BIN1: variants seen among roughly 807,000 people sequenced by gnomAD.
BIN1 encodes myc box-dependent-interacting protein 1.
Under a neutral mutation model 82.0 loss-of-function variants are expected in BIN1, and 53 were observed. The ratio of observed to expected loss-of-function variants is 0.65; its 90% CI spans 0.52 to 0.81. The LOEUF is 0.81. Among genes scored for constraint, BIN1 ranks in the 40% least tolerant of loss-of-function variants. The pLI, the probability that BIN1 is intolerant of heterozygous loss-of-function variation, is 0.00. For synonymous variants in BIN1, 302 were observed against 328.0 expected (o/e 0.92, Z 0.86); for missense variants, 642 against 784.4 (o/e 0.82, Z 2.17).
At chr2:127,099,378 G>A (rs1056590924) in intron 1 of BIN1, among the ~76,000 whole-genome samples, 26 of 149,532 alleles carry the variant, frequency 1.7e-4, no homozygotes, top group Admixed American at 3.4e-4. Flanking sequence ...GTGTGGTAGC[G>A]GGGGCAGTGT....
intron 16 of BIN1, 65 bp downstream of exon 16, chr2:127,051,089 G>A: frequency 1.3e-6 from 2 of 1,596,842 alleles, no homozygotes; most frequent in East Asian, 2.2e-5. Context: ...GGGCCACAGG[G>A]GAGCCCCGGA....
chr2:127,081,825 C>T (rs1269742780), intron 1 of BIN1: 4 of 1,288,160 alleles, frequency 3.1e-6, no homozygotes, highest in Non-Finnish European at 4.0e-6. Flanking sequence ...ACGCATAAGG[C>T]CCTCACCTTC....
chr2:127,106,816 C>T, intron 1 of BIN1, 44 bp downstream of exon 1: 1 of 1,561,506 alleles, frequency 6.4e-7, no homozygotes, highest in South Asian at 1.2e-5. Flanking sequence ...CGGGGCTCCG[C>T]GGCGGCTGGG....
rs533512617 is a variant in BIN1 at position 127,050,618 on chromosome 2, T to A, written c.1573-96A>T. ...CGTGTGGGAGGTGCAGGTGGCAGTA[T>A]GGAGACCAGGAGTGCTCAAAAGCAG... On this transcript the variant is annotated intron_variant, in intron 17 of 18. Coordinates refer to ENST00000316724, the MANE Select transcript of BIN1 (RefSeq NM_139343.3). 2.4e-5 allele frequency: 35 copies of A among 1,442,156 alleles called. No individual in the cohort carries two copies. The East Asian group carries it at 8.0e-4, about 33-fold the overall frequency. 89.3% of individuals were successfully genotyped at this position (1,442,156 alleles called of 1,614,324 possible).
rs570394977 is a variant in BIN1 at position 127,051,096 on chromosome 2, C to T, written c.1461+58G>A. 35 of 1,603,434 alleles carry T rather than the reference C, an allele frequency of 2.2e-5. No individual in the cohort carries two copies. The Admixed American group carries it at 5.0e-4, about 23-fold the overall frequency. On this transcript the variant is annotated intron_variant, in intron 16 of 18. Coordinates refer to ENST00000316724, the MANE Select transcript of BIN1 (RefSeq NM_139343.3). ...ACCAGCAGGGGCCACAGGGGAGCCC[C>T]GGACAGGCAGGCGGGCGGCAGGGAG...
Position 127,062,431 on chromosome 2 carries a change from T to C in BIN1, c.775-234A>G, listed in dbSNP as rs796187788. ...GCCTGCTGTCTCTGGAAGCCATCTT[T>C]TCCCCTCCTACTTATAGGGATATCC... On this transcript the variant is annotated intron_variant, in intron 9 of 18. Coordinates refer to ENST00000316724, the MANE Select transcript of BIN1 (RefSeq NM_139343.3). 1.8e-4 allele frequency among the ~76,000 whole-genome samples: 28 copies of C among 152,368 alleles called. 2 individuals are homozygous for C. Among genetic ancestry groups the C allele is most frequent in the African/African-American group, 6.7e-4 (28 of 41,590 alleles).
intron 1 of BIN1, among the ~76,000 whole-genome samples, chr2:127,083,222 A>G (rs1687530497): frequency 6.6e-6 from 1 of 151,842 alleles, no homozygotes; most frequent in African/African-American, 2.4e-5. Flanking sequence ...AGTAGCTGGG[A>G]CTACAGGCCA....
rs78061772 is a variant in BIN1, at chr2:127,093,528, G to A, written c.84+13332C>T. On this transcript the variant is annotated intron_variant, in intron 1 of 18. Coordinates refer to ENST00000316724, the MANE Select transcript of BIN1 (RefSeq NM_139343.3). This position sits in a 1 kb window ranked among gnomAD's most constrained non-coding sequence, Gnocchi z 5.7. The stretch of plus-strand genomic sequence containing the variant: ...AGAGAGGCCGGAAAGAAGCCGAGCC[G>A]ACAAGCCTTGCTGGGTTCCCCCTCG... Among the ~76,000 whole-genome samples, 2 of 152,138 alleles carry A rather than the reference G, an allele frequency of 1.3e-5. No homozygotes were observed. Among genetic ancestry groups the A allele is most frequent in the African/African-American group, 4.8e-5 (2 of 41,420 alleles).
intron 1 of BIN1, among the ~76,000 whole-genome samples, chr2:127,097,343 C>T (rs1679737658): frequency 6.6e-6 from 1 of 151,530 alleles, no homozygotes; most frequent in Admixed American, 6.6e-5. Context: ...AGCGTCACCC[C>T]TCCAGGCCCA....
At chr2:127,102,825 G>A (rs967618632) in intron 1 of BIN1, among the ~76,000 whole-genome samples, 2 of 152,210 alleles carry the variant, frequency 1.3e-5, no homozygotes, top group Non-Finnish European at 2.9e-5. Flanking sequence ...AAGTAACTCG[G>A]GTCCAGGGGA....
At position 127,099,416 on chromosome 2, in the gene BIN1, A is replaced by G. The variant is rs537274170; in HGVS notation, c.84+7444T>C. 7.2e-5 allele frequency among the ~76,000 whole-genome samples: 11 copies of G among 152,256 alleles called. No individual in the cohort carries two copies. The East Asian group carries it at 2.1e-3, about 29-fold the overall frequency. ...GCAGCATGGTTCTTTCCCCCCCAGG[A>G]ACATTAAAAAACAACTAGTATGACC... On this transcript the variant is annotated intron_variant, in intron 1 of 18. Transcript: ENST00000316724.
chr2:127,068,385 C>A lies in BIN1; in HGVS notation c.520-130G>T. On this transcript the variant is annotated intron_variant, in intron 6 of 18. Coordinates refer to ENST00000316724, the MANE Select transcript of BIN1 (RefSeq NM_139343.3). This position sits in a 1 kb window ranked among gnomAD's most constrained non-coding sequence, Gnocchi z 4.9. The stretch of plus-strand genomic sequence containing the variant: ...GGGGGCCACCCCAAGCAGATATGGG[C>A]CCTTGAGGCCGAGAGAATTAGGGGG... 1 of 680,846 alleles carries A rather than the reference C, an allele frequency of 1.5e-6. No homozygotes were observed. The highest frequency in any genetic ancestry group is 1.8e-5 in the South Asian group (1 of 55,142). 42.2% of individuals were successfully genotyped at this position (680,846 alleles called of 1,614,324 possible). A position where few individuals can be genotyped will look rare whatever the true frequency, so the allele number is the denominator to read the frequency against.
At chr2:127,078,006 G>T (rs1686831476) in intron 1 of BIN1, among the ~76,000 whole-genome samples, 1 of 152,256 alleles carries the variant, frequency 6.6e-6, no homozygotes, top group South Asian at 2.1e-4. Flanking sequence ...AGGCCAGTAG[G>T]TCTGCAGACA....
intron 1 of BIN1, among the ~76,000 whole-genome samples, chr2:127,099,030 C>T (rs1192826269): frequency 1.3e-5 from 2 of 152,144 alleles, no homozygotes; most frequent in Non-Finnish European, 1.5e-5. Flanking sequence ...CCAGGGTGGC[C>T]GGGGCAGGGT....
chr2:127,097,673 C>A (rs1679778617), intron 1 of BIN1, among the ~76,000 whole-genome samples: 1 of 152,226 alleles, frequency 6.6e-6, no homozygotes, highest in Non-Finnish European at 1.5e-5. Context: ...CCCTCACCCG[C>A]AACCCAGGAC....
chr2:127,071,433 C>T (rs933650277), intron 2 of BIN1, among the ~76,000 whole-genome samples: 2 of 152,158 alleles, frequency 1.3e-5, no homozygotes, highest in Non-Finnish European at 2.9e-5. Flanking sequence ...ACAGCAGGGA[C>T]ATAGGATGTA....
chr2:127,077,004 G>A (rs17014893), intron 1 of BIN1, among the ~76,000 whole-genome samples: 2 of 152,106 alleles, frequency 1.3e-5, no homozygotes, highest in African/African-American at 4.8e-5. Flanking sequence ...AAGAAGGATC[G>A]GGCACCCTCC....
chr2:127,052,589 C>T (rs988815972), intron 14 of BIN1: 10 of 572,918 alleles, frequency 1.7e-5, no homozygotes, highest in Non-Finnish European at 2.8e-5. Flanking sequence ...TCAGCACCTA[C>T]CGAAATCCAC....
chr2:127,096,219 G>A (rs1679590493), intron 1 of BIN1, among the ~76,000 whole-genome samples: 1 of 152,130 alleles, frequency 6.6e-6, no homozygotes, highest in Non-Finnish European at 1.5e-5. Flanking sequence ...CTTCTGTCCT[G>A]GGAAGGTGAG....
Sources: gnomAD v4.1 joint callset for allele counts (sites outside exome capture counted in the v4.1 genomes callset) on GRCh38, gnomAD v4.1.1 for gene constraint, Gnocchi (gnomAD v3.1) non-coding constraint, MANE v1.5 for transcripts, NCBI Gene and HGNC (gene_info 2026-07-23, HGNC 2026-07-21) for gene names.